The following OR4Q3 variants were observed in gnomAD, a reference collection of about 807,000 sequenced individuals.
OR4Q3 encodes the protein olfactory receptor family 4 subfamily Q member 3.
In OR4Q3, 17 loss-of-function variants were observed where a neutral mutation model predicts 18.8. The ratio of observed to expected loss-of-function variants is 0.91; its 90% confidence interval spans 0.62 to 1.36. The LOEUF is 1.36. Among genes scored for constraint, OR4Q3 ranks in the 40% most tolerant of loss-of-function variants. The pLI, the probability that OR4Q3 is intolerant of heterozygous loss-of-function variation, is 0.00. For synonymous variants in OR4Q3, 158 were observed against 145.8 expected, an observed-to-expected ratio of 1.08 and a Z score of -0.60; for missense variants, 378 against 373.4, an observed-to-expected ratio of 1.01 and a Z score of -0.10.
At chr14:19,748,524 G>A in exon 2 of OR4Q3, 3 of 645,196 alleles carry the variant, frequency 4.6e-6, no homozygotes, top group East Asian at 2.8e-5. Context: ...CAATTTAAAA[G>A]CATAGGTGGC....
chr14:19,748,612 G>A, exon 2 of OR4Q3: 19 of 473,346 alleles, frequency 4.0e-5, no homozygotes, highest in Middle Eastern at 5.3e-4. Context: ...GGCCACAAAC[G>A]ATAACAAGCA....
exon 2 of OR4Q3, chr14:19,747,412 T>G: frequency 3.2e-6 from 5 of 1,546,818 alleles, no homozygotes; most frequent in Non-Finnish European, 3.5e-6. Flanking sequence ...TTAGGTCACT[T>G]GATATTCTTG....
intron 1 of OR4Q3, among the ~76,000 whole-genome samples, chr14:19,745,102 G>A: frequency 6.6e-6 from 1 of 151,876 alleles, no homozygotes; most frequent in Non-Finnish European, 1.5e-5. Context: ...TCAAATAACT[G>A]ACATACAGGG....
At chr14:19,749,758 TTC>T, downstream of OR4Q3, among the ~76,000 whole-genome samples, 7,246 of 143,604 alleles carry the variant, frequency 0.05, 204 homozygotes, top group Non-Finnish European at 0.081. Flanking sequence ...TCTTTCTTCT[TTC>T]TCTCTTTTTC....
downstream of OR4Q3, among the ~76,000 whole-genome samples, chr14:19,749,700 C>T: frequency 6.7e-6 from 1 of 148,316 alleles, no homozygotes; most frequent in Non-Finnish European, 1.5e-5. Flanking sequence ...AGTATTTATC[C>T]CAATTATACA....
intron 1 of OR4Q3, among the ~76,000 whole-genome samples, chr14:19,747,100 C>A: frequency 3.9e-5 from 6 of 152,184 alleles, no homozygotes; most frequent in African/African-American, 1.4e-4. Flanking sequence ...AACTTTTGTC[C>A]TTAGAGGACA....
chr14:19,748,160 C>G, exon 2 of OR4Q3: 1 of 1,614,106 alleles, frequency 6.2e-7, no homozygotes, highest in East Asian at 2.2e-5. Context: ...TGCTTCTCAC[C>G]TGACAGTGGT....
chr14:19,747,902 A>T, exon 2 of OR4Q3: 35 of 1,614,022 alleles, frequency 2.2e-5, no homozygotes, highest in Non-Finnish European at 3.0e-5. Context: ...CCACTCTATC[A>T]TGCAGGTCAT....
intron 1 of OR4Q3, among the ~76,000 whole-genome samples, chr14:19,745,551 C>T: frequency 6.6e-6 from 1 of 152,026 alleles, no homozygotes. Context: ...TTCTAGAAAC[C>T]TTTTTTAATT....
intron 1 of OR4Q3, among the ~76,000 whole-genome samples, chr14:19,745,395 A>C: frequency 2.0e-5 from 3 of 152,104 alleles, no homozygotes. Context: ...CTTTCTCAGC[A>C]TATGTTCGGT....
At chr14:19,744,072 T>G (rs1877374713) in intron 1 of OR4Q3, among the ~76,000 whole-genome samples, 1 of 152,194 alleles carries the variant, frequency 6.6e-6, no homozygotes, top group African/African-American at 2.4e-5. Flanking sequence ...AAATCCTCTT[T>G]ATGTTCCACA....
At chr14:19,746,525 C>T in intron 1 of OR4Q3, among the ~76,000 whole-genome samples, 30 of 152,246 alleles carry the variant, frequency 2.0e-4, no homozygotes, top group East Asian at 5.8e-4. Context: ...TGCATGCCTC[C>T]GTGATATGGG....
chr14:19,750,020 T>C, downstream of OR4Q3, among the ~76,000 whole-genome samples: 1 of 151,482 alleles, frequency 6.6e-6, no homozygotes, highest in African/African-American at 2.4e-5. Context: ...GTCTCACTCT[T>C]GTCTCCCAGG....
At chr14:19,744,022 T>G (rs1877373168) in intron 1 of OR4Q3, among the ~76,000 whole-genome samples, 1 of 152,174 alleles carries the variant, frequency 6.6e-6, no homozygotes, top group South Asian at 2.1e-4. Context: ...TTCTAGATTC[T>G]GTTTTCCATT....
downstream of OR4Q3, among the ~76,000 whole-genome samples, chr14:19,751,436 G>T: frequency 1.3e-5 from 2 of 152,202 alleles, no homozygotes; most frequent in South Asian, 2.1e-4. Flanking sequence ...ATTTTTTTGG[G>T]AATAGTTTCA....
chr14:19,748,403 C>T, exon 2 of OR4Q3: 5 of 1,483,820 alleles, frequency 3.4e-6, no homozygotes, highest in Non-Finnish European at 4.6e-6. Context: ...GAAAAACACA[C>T]TCTTTCTTGG....
At chr14:19,744,528 C>A (rs1594361562) in intron 1 of OR4Q3, among the ~76,000 whole-genome samples, 1 of 152,168 alleles carries the variant, frequency 6.6e-6, no homozygotes, top group African/African-American at 2.4e-5. Context: ...ACACAAGTAG[C>A]CTTTGATATT....
At chr14:19,748,354 T>C in exon 2 of OR4Q3, 1 of 1,606,648 alleles carries the variant, frequency 6.2e-7, no homozygotes, top group Non-Finnish European at 8.5e-7. Context: ...CATGTGGCAT[T>C]CCATTGCCTT....
downstream of OR4Q3, among the ~76,000 whole-genome samples, chr14:19,751,827 G>A: frequency 2.6e-5 from 4 of 151,882 alleles, no homozygotes; most frequent in South Asian, 8.3e-4. Context: ...TTTTTCAAAA[G>A]ACTAACTCTT....
Sources: gnomAD v4.1 joint callset for allele counts (sites outside exome capture counted in the v4.1 genomes callset) on GRCh38, gnomAD v4.1.1 for gene constraint, MANE v1.5 for transcripts, NCBI Gene and HGNC (gene_info 2026-07-23, HGNC 2026-07-21) for gene names.